Variants in TGFBR3 observed in about 807,000 individuals in gnomAD.
TGFBR3 encodes the protein transforming growth factor beta receptor 3.
Under a neutral mutation model 87.9 loss-of-function variants are expected in TGFBR3, and 46 were observed. The observed-to-expected ratio is 0.52, with a 90% CI of 0.41 to 0.67. TGFBR3 has a LOEUF of 0.67. Among genes scored for constraint, TGFBR3 ranks in the 30% least tolerant of loss-of-function variants. The probability of loss-of-function intolerance (pLI) is 0.00; values close to 1 mark genes in which losing one functional copy is unlikely to be tolerated. For synonymous variants in TGFBR3, 381 were observed against 391.6 expected (o/e 0.97, Z 0.32); for missense variants, 866 against 1,041.9 (o/e 0.83, Z 2.32).
rs1557654477 is a variant in TGFBR3 at position 91,683,697 on chromosome 1, A to G, written c.*42T>C. 5 of 1,478,472 alleles carry G rather than the reference A, an allele frequency of 3.4e-6. No homozygotes were observed. The highest frequency in any genetic ancestry group is 4.5e-6 in the Non-Finnish European group (5 of 1,100,806). 91.6% of individuals were successfully genotyped at this position (1,478,472 alleles called of 1,614,324 possible). On this transcript the variant is annotated 3_prime_UTR_variant, in exon 17 of 17. Transcript: ENST00000212355. Reference sequence around the variant, plus strand: ...CCTGCCCTTGGCAGTAGCTGAGCTGAGCTGGGCTGGGCTGGGTTGGGCCGG... The same window carrying G: ...CCTGCCCTTGGCAGTAGCTGAGCTGGGCTGGGCTGGGCTGGGTTGGGCCGG...
chr1:91,792,329 G>C (rs553345898), intron 3 of TGFBR3, among the ~76,000 whole-genome samples: 1 of 152,120 alleles, frequency 6.6e-6, no homozygotes, highest in South Asian at 2.1e-4. Flanking sequence ...GCTTTTTGAC[G>C]GGTGAAGTTA....
At chr1:91,720,430 G>A (rs754596288) in intron 8 of TGFBR3, among the ~76,000 whole-genome samples, 200 bp from the exon 9 acceptor site, 107 of 152,158 alleles carry the variant, frequency 7.0e-4, no homozygotes, top group Non-Finnish European at 1.3e-3. Flanking sequence ...AGTGGCTTTA[G>A]GCAAGCGGCT....
intron 6 of TGFBR3, among the ~76,000 whole-genome samples, chr1:91,728,978 G>A (rs558207564): frequency 7.9e-5 from 12 of 151,848 alleles, no homozygotes; most frequent in African/African-American, 2.9e-4. Flanking sequence ...ACAAGGGAGA[G>A]GCAAGTTCTA....
intron 2 of TGFBR3, among the ~76,000 whole-genome samples, chr1:91,807,484 T>C (rs999548074): frequency 2.0e-5 from 3 of 152,234 alleles, no homozygotes; most frequent in Non-Finnish European, 2.9e-5. Flanking sequence ...TATTGTTGTG[T>C]TGAAATCATG....
At chr1:91,745,524 C>A (rs906496442) in intron 4 of TGFBR3, among the ~76,000 whole-genome samples, 2 of 152,146 alleles carry the variant, frequency 1.3e-5, no homozygotes, top group South Asian at 4.1e-4. Context: ...CACAGAAAGG[C>A]ATTACAAAGA....
At chr1:91,745,270 C>T (rs1462755127) in intron 4 of TGFBR3, among the ~76,000 whole-genome samples, 1 of 152,212 alleles carries the variant, frequency 6.6e-6, no homozygotes, top group Non-Finnish European at 1.5e-5. Flanking sequence ...TTCCTGACTC[C>T]TGCACAAACA....
At chr1:91,856,093 G>C (rs12096907) in intron 2 of TGFBR3, among the ~76,000 whole-genome samples, 4 of 151,968 alleles carry the variant, frequency 2.6e-5, no homozygotes, top group Admixed American at 6.5e-5. Context: ...GACGGAGTTT[G>C]GCTCTGTCGC....
chr1:91,741,255 A>G (rs1673149202), intron 4 of TGFBR3, among the ~76,000 whole-genome samples: 1 of 152,196 alleles, frequency 6.6e-6, no homozygotes, highest in Non-Finnish European at 1.5e-5. Context: ...ACAGAACTCA[A>G]GGAAATACTT....
At chr1:91,808,808 T>G (rs1213434640) in intron 2 of TGFBR3, among the ~76,000 whole-genome samples, 1 of 152,170 alleles carries the variant, frequency 6.6e-6, no homozygotes, top group Non-Finnish European at 1.5e-5. Flanking sequence ...GTCCCTATTC[T>G]TCTCACAAGA....
chr1:91,760,435 ACTGTG>A (rs1673917584), intron 3 of TGFBR3, among the ~76,000 whole-genome samples: 1 of 152,152 alleles, frequency 6.6e-6, no homozygotes, highest in Admixed American at 6.5e-5. Flanking sequence ...CAAACAAAAA[ACTGTG>A]CTTAACATAG....
chr1:91,820,729 A>G (rs1676419081), intron 2 of TGFBR3, among the ~76,000 whole-genome samples: 1 of 152,214 alleles, frequency 6.6e-6, no homozygotes, highest in African/African-American at 2.4e-5. Flanking sequence ...GTGTATCTAT[A>G]TCATGAAATA....
At chr1:91,852,632 T>C (rs557845085) in intron 2 of TGFBR3, among the ~76,000 whole-genome samples, 94 of 152,226 alleles carry the variant, frequency 6.2e-4, no homozygotes, top group African/African-American at 2.1e-3. Flanking sequence ...AGTGGCGCCA[T>C]CTCGGCTCAC....
chr1:91,692,590 G>A (rs1483364332), intron 16 of TGFBR3, among the ~76,000 whole-genome samples: 1 of 152,090 alleles, frequency 6.6e-6, no homozygotes, highest in Admixed American at 6.5e-5. Flanking sequence ...GAACTAGGTA[G>A]GGTTCCTAGG....
At chr1:91,712,741 AGAT>A (rs550897201) in intron 12 of TGFBR3, among the ~76,000 whole-genome samples, 199 bp from the exon 13 acceptor site, 2 of 152,250 alleles carry the variant, frequency 1.3e-5, no homozygotes, top group Admixed American at 6.5e-5. Context: ...AATTTGATAT[AGAT>A]GATGACAGTG....
chr1:91,889,558 A>G (rs2799541), upstream of TGFBR3, among the ~76,000 whole-genome samples: 139,851 of 152,204 alleles, frequency 0.92, 64,913 homozygotes, highest in Non-Finnish European at 0.99. Context: ...TCTTTACAAT[A>G]TGATATTAAA....
intron 6 of TGFBR3, among the ~76,000 whole-genome samples, chr1:91,728,653 G>C (rs938500302): frequency 2.6e-5 from 4 of 152,128 alleles, no homozygotes; most frequent in Admixed American, 6.5e-5. Context: ...TCACCAGACT[G>C]CTCCTATTCC....
intron 3 of TGFBR3, among the ~76,000 whole-genome samples, chr1:91,788,006 G>A (rs553546946): frequency 6.6e-6 from 1 of 151,586 alleles, no homozygotes; most frequent in South Asian, 2.1e-4. Context: ...AAAACAGATG[G>A]AATGGTAGAA....
At chr1:91,892,324 A>G (rs955594135) in intron 2 of TGFBR3, among the ~76,000 whole-genome samples, 2 of 148,964 alleles carry the variant, frequency 1.3e-5, no homozygotes, top group African/African-American at 2.6e-5. Flanking sequence ...CTCCATCCTC[A>G]GCCCCACCTC....
At chr1:91,864,159 T>C (rs1678298723) in intron 1 of TGFBR3, 1 of 152,210 alleles carries the variant, frequency 6.6e-6, no homozygotes, top group Admixed American at 6.5e-5. Flanking sequence ...GCACATAAAC[T>C]GTAAGCGGCA....
Sources: allele counts gnomAD v4.1 joint callset (sites outside exome capture counted in the v4.1 genomes callset), GRCh38; gene constraint gnomAD v4.1.1; transcripts MANE v1.5; gene names NCBI Gene and HGNC (gene_info 2026-07-23, HGNC 2026-07-21).